Variants in DCTPP1 observed in about 807,000 individuals in gnomAD.
DCTPP1 encodes the protein XTP3-transactivated gene A protein.
A neutral mutation model predicts 8.8 loss-of-function variants in DCTPP1; 8 were observed. The observed-to-expected ratio is 0.91, with a 90% CI of 0.54 to 1.64. The LOEUF (loss-of-function observed/expected upper bound fraction) is 1.64. Ranked by LOEUF, DCTPP1 falls within the 40% of genes most tolerant of loss-of-function variation. DCTPP1 has a pLI of 0.00. For missense variants in DCTPP1, 231 were observed against 230.4 expected (o/e 1.00, Z -0.02); for synonymous variants, 85 against 92.1 (o/e 0.92, Z 0.44).
chr16:30,427,868 G>C (rs1336587422), intron 2 of DCTPP1, among the ~76,000 whole-genome samples: 1 of 152,140 alleles, frequency 6.6e-6, no homozygotes, highest in Non-Finnish European at 1.5e-5. Context: ...CTTGGTGGTG[G>C]CGCACGCCTG....
intron 1 of DCTPP1, 38 bp from the exon 2 acceptor site, chr16:30,429,205 G>T (rs1306456050): frequency 1.9e-6 from 3 of 1,609,384 alleles, no homozygotes; most frequent in South Asian, 1.1e-5. Context: ...CAAGTCTCCG[G>T]GTTAGAGGGT....
At chr16:30,429,856 C>T (rs1343746434) in intron 1 of DCTPP1, 24 bp downstream of exon 1, 5 of 1,584,320 alleles carry the variant, frequency 3.2e-6, no homozygotes, top group Non-Finnish European at 4.3e-6. Context: ...CTTCCCCACC[C>T]CGAGCTGGGC....
At chr16:30,428,746 G>A (rs774317090) in intron 2 of DCTPP1, 2 of 407,788 alleles carry the variant, frequency 4.9e-6, no homozygotes, top group Non-Finnish European at 8.6e-6. Flanking sequence ...CAGCCTGGGC[G>A]ACAGAGCGAG....
rs1350941796 is a variant in DCTPP1, at chr16:30,430,019, C to T, written c.-39G>A. 7.0e-7 allele frequency: 1 copy of T among 1,423,242 alleles called. No individual in the cohort carries two copies. Among genetic ancestry groups the T allele is most frequent in the Admixed American group, 2.9e-5 (1 of 34,008 alleles). 88.2% of individuals were successfully genotyped at this position (1,423,242 alleles called of 1,614,324 possible). On this transcript the variant is annotated 5_prime_UTR_variant, in exon 1 of 3. It adds an upstream start codon to the 5' untranslated region. Transcript: ENST00000319285. ...GCACCGCGACTTCACGGAAAACCCA[C>T]GAGCCACGCTCGAAGCCCCGCCTCC...
At chr16:30,428,308 A>G (rs1461926866) in intron 2 of DCTPP1, among the ~76,000 whole-genome samples, 1 of 152,206 alleles carries the variant, frequency 6.6e-6, no homozygotes, top group African/African-American at 2.4e-5. Context: ...ACAGATCCCA[A>G]ATCCCTGATT....
intron 2 of DCTPP1, chr16:30,428,837 G>T: frequency 2.2e-6 from 1 of 457,864 alleles, no homozygotes; most frequent in Non-Finnish European, 3.9e-6. Context: ...TCCTAGACGG[G>T]ACCTGTCCTG....
At chr16:30,427,398 T>C (rs1358600618) in intron 2 of DCTPP1, among the ~76,000 whole-genome samples, 1 of 148,776 alleles carries the variant, frequency 6.7e-6, no homozygotes, top group African/African-American at 2.5e-5. Context: ...CTGCAGTCTC[T>C]GCCTCCTGGG....
At position 30,424,343 on chromosome 16, in the gene DCTPP1, G is replaced by C. The variant is rs1010468456; in HGVS notation, c.403C>G (p.Arg135Gly). Residue 135 changes from arginine to glycine, a missense_variant, in exon 3 of 3, where the codon CGC becomes GGC. Transcript: ENST00000319285. ...TCTGTATACTTGCGGGAAGAGCTGCGGGCCAGATGGGCTGGGTAGCGTCGC... is the reference window on the plus strand; with the variant it reads ...TCTGTATACTTGCGGGAAGAGCTGCCGGCCAGATGGGCTGGGTAGCGTCGC... ...NRRRYPAHLARSSSRKYTELP... is the reference protein window; with the variant it reads ...NRRRYPAHLAGSSSRKYTELP... 1 of 1,614,116 alleles carries C rather than the reference G, an allele frequency of 6.2e-7. No homozygotes were observed. Among genetic ancestry groups the C allele is most frequent in the East Asian group, 2.2e-5 (1 of 44,904 alleles).
chr16:30,425,424 G>T (rs1252442418), intron 2 of DCTPP1, among the ~76,000 whole-genome samples: 1 of 152,146 alleles, frequency 6.6e-6, no homozygotes, highest in Admixed American at 6.5e-5. Flanking sequence ...GGAGGCAGAG[G>T]TTGCAGTGAG....
In DCTPP1 at chr16:30,424,342, CG is replaced by C. The variant is rs774904699; in HGVS notation, c.403del (p.Arg135AlafsTer50). On this transcript the variant is annotated frameshift_variant, in exon 3 of 3. Coordinates refer to ENST00000319285, the MANE Select transcript of DCTPP1 (RefSeq NM_024096.2). LOFTEE classifies it low-confidence loss of function (END_TRUNC). ...TTCTGTATACTTGCGGGAAGAGCTG[CG>C]GGCCAGATGGGCTGGGTAGCGTCGC... ...NRRRYPAHLA[R>X]SSSRKYTELP... 3 of 1,614,212 alleles carry C rather than the reference CG, an allele frequency of 1.9e-6. No homozygotes were observed. The African/African-American group carries it at 4.0e-5, about 22-fold the overall frequency.
intron 1 of DCTPP1, 29 bp downstream of exon 1, chr16:30,429,851 C>T (rs2151129845): frequency 1.3e-6 from 2 of 1,578,160 alleles, no homozygotes; most frequent in South Asian, 1.1e-5. Context: ...GGCGACTTCC[C>T]CACCCCGAGC....
intron 2 of DCTPP1, among the ~76,000 whole-genome samples, chr16:30,426,411 A>G (rs2050193123): frequency 6.7e-6 from 1 of 149,674 alleles, no homozygotes; most frequent in Non-Finnish European, 1.5e-5. Context: ...TCCTGACCTC[A>G]TGATCCGCCT....
chr16:30,429,215 T>C, intron 1 of DCTPP1, 48 bp from the exon 2 acceptor site: 1 of 1,603,394 alleles, frequency 6.2e-7, no homozygotes, highest in Non-Finnish European at 8.5e-7. Flanking sequence ...GGTTAGAGGG[T>C]GATGCAGGGG....
intron 1 of DCTPP1, 166 bp downstream of exon 1, chr16:30,429,714 G>A: frequency 1.6e-6 from 1 of 622,772 alleles, no homozygotes; most frequent in Non-Finnish European, 2.6e-6. Flanking sequence ...GTGCACCGCT[G>A]CGCCCATTTT....
intron 2 of DCTPP1, among the ~76,000 whole-genome samples, chr16:30,427,527 G>A (rs1036281139): frequency 1.3e-5 from 2 of 152,146 alleles, no homozygotes; most frequent in Non-Finnish European, 2.9e-5. Context: ...TGGCCAGACT[G>A]GGTCATCACC....
intron 2 of DCTPP1, 118 bp from the exon 3 acceptor site, chr16:30,424,651 G>A: frequency 7.5e-7 from 1 of 1,327,970 alleles, no homozygotes. Flanking sequence ...TGGGCCCTGG[G>A]AAGAGTCAGG....
intron 1 of DCTPP1, 166 bp downstream of exon 1, chr16:30,429,714 G>T: frequency 1.6e-6 from 1 of 622,770 alleles, no homozygotes; most frequent in Non-Finnish European, 2.6e-6. Flanking sequence ...GTGCACCGCT[G>T]CGCCCATTTT....
intron 1 of DCTPP1, 85 bp from the exon 2 acceptor site, chr16:30,429,252 T>C: frequency 7.4e-7 from 1 of 1,351,320 alleles, no homozygotes; most frequent in Non-Finnish European, 1.0e-6. Context: ...CCGTAGTATG[T>C]AATGGGGCCT....
chr16:30,428,705 T>C (rs149235790), intron 2 of DCTPP1, among the ~76,000 whole-genome samples: 4 of 152,116 alleles, frequency 2.6e-5, no homozygotes, highest in African/African-American at 7.2e-5. Context: ...AGGCGGATGT[T>C]GCAGTGAGCC....
Sources: gnomAD v4.1 joint callset for allele counts (sites outside exome capture counted in the v4.1 genomes callset) on GRCh38, gnomAD v4.1.1 for gene constraint, MANE v1.5 for transcripts, NCBI Gene and HGNC (gene_info 2026-07-23, HGNC 2026-07-21) for gene names.